The following MYO16 variants were observed in gnomAD, a reference collection of about 807,000 sequenced individuals.
MYO16 encodes unconventional myosin-XVI.
In MYO16, 94 loss-of-function variants were observed where a neutral mutation model predicts 205.3. The observed-to-expected ratio is 0.46, with a 90% CI of 0.39 to 0.54. The LOEUF is 0.54. Among genes scored for constraint, MYO16 ranks in the 20% least tolerant of loss-of-function variants. The pLI is 0.00. For missense variants in MYO16, 2,315 were observed against 2,387.5 expected (o/e 0.97, Z 0.63); for synonymous variants, 988 against 954.0 (o/e 1.04, Z -0.66).
intron 31 of MYO16, among the ~76,000 whole-genome samples, chr13:109,136,875 T>A (rs563299596): frequency 6.6e-6 from 1 of 152,248 alleles, no homozygotes; most frequent in African/African-American, 2.4e-5. Context: ...CAGGTACCAA[T>A]GTTTTTATGA....
At position 108,844,413 on chromosome 13, in the gene MYO16, A is replaced by G; in HGVS notation, c.1168A>G (p.Thr390Ala). ...AAAAGACATTATGTTCAAAGATGCA[A>G]CAAAAGGTCTGTGTAAGCAGCAGTC... is the stretch of plus-strand genomic sequence containing the variant. ...LEKDIMFKDA[T>A]KGLCKQQSQD... The change falls in exon 10 of 35, where the codon ACA becomes GCA. Residue 390 changes from threonine (T) to alanine (A), a missense_variant. Physicochemically the swap from Thr to Ala is moderately conservative, Grantham distance 58. This residue lies in a region of MYO16 where 1,213 missense variants were observed against 1,274.4 expected (regional missense o/e 0.95). Coordinates refer to ENST00000457511, the MANE Select transcript of MYO16 (RefSeq NM_001198950.3). 6.2e-7 allele frequency: 1 copy of G among 1,613,608 alleles called. No individual in the cohort carries two copies.
intron 23 of MYO16, among the ~76,000 whole-genome samples, chr13:109,026,435 C>T (rs1294929744): frequency 1.3e-5 from 2 of 152,130 alleles, no homozygotes; most frequent in Non-Finnish European, 2.9e-5. Flanking sequence ...TTGGAAGAGG[C>T]AGGAAGGATC....
rs1282884363 is a variant in MYO16, at chr13:108,883,173, T to C, written c.1540T>C (p.Cys514Arg). 2 of 1,613,748 alleles carry C rather than the reference T, an allele frequency of 1.2e-6. No individual in the cohort carries two copies. The highest frequency in any genetic ancestry group is 2.2e-5 in the East Asian group (1 of 44,886). Residue 514 changes from cysteine (C) to arginine (R), a missense_variant, in exon 13 of 35, where the codon TGT (cysteine) becomes CGT (arginine). Cys to Arg is a radical substitution (Grantham distance 180, BLOSUM62 -3). This residue lies in a region of MYO16 where 1,213 missense variants were observed against 1,274.4 expected (regional missense o/e 0.95). Transcript: ENST00000457511. ...HQLFREQRPQ[C>R]FILSGERGSG... is the part of the protein sequence containing the mutation. ...GCTCTTCCGGGAACAGCGGCCTCAG[T>C]GTTTCATCCTCAGGTGAGTCCTCCT... is the stretch of plus-strand genomic sequence containing the variant.
At chr13:109,115,453 C>A (rs1045570463) in intron 28 of MYO16, among the ~76,000 whole-genome samples, 7 of 152,094 alleles carry the variant, frequency 4.6e-5, no homozygotes, top group African/African-American at 1.4e-4. Context: ...ACATTTTAAT[C>A]TCAGCTAGGA....
rs558567347 is a variant in MYO16 at position 109,056,062 on chromosome 13, A to G, written c.3335+467A>G. The G allele has an allele frequency of 5.7e-5, 9 of 158,426 alleles. No individual in the cohort carries two copies. The East Asian group carries it at 1.5e-3, about 26-fold the overall frequency. The allele number at this position is 158,426 out of a possible 1,614,324, so 9.8% of individuals were successfully genotyped here. A position where few individuals can be genotyped will look rare whatever the true frequency, so the allele number is the denominator to read the frequency against. On this transcript the variant is annotated intron_variant, in intron 27 of 34. Transcript: ENST00000457511. ...GTTTTATTGGAACATGGCCACAATC[A>G]TTTCTTTGCATATTGTCTGTAACCA...
In MYO16 at chr13:108,948,152, G is replaced by A. The variant is rs1883005343; in HGVS notation, c.1926-9536G>A. Reference sequence around the variant, plus strand: ...TTTCTGTTTTAGGAGCAAAGTGAGGGTGCATGGGCAAAAAGCAGCACTTGG... The same window carrying A: ...TTTCTGTTTTAGGAGCAAAGTGAGGATGCATGGGCAAAAAGCAGCACTTGG... On this transcript the variant is annotated intron_variant, in intron 16 of 34. Transcript: ENST00000457511. Among the ~76,000 whole-genome samples the A allele has an allele frequency of 2.0e-5, 3 of 152,190 alleles. No individual in the cohort carries two copies. The East Asian group carries it at 5.8e-4, about 29-fold the overall frequency.
chr13:109,205,302 T>TA (rs1170042073), intron 34 of MYO16, among the ~76,000 whole-genome samples: 2 of 152,176 alleles, frequency 1.3e-5, no homozygotes, highest in Admixed American at 1.3e-4. Context: ...TCCCAGCCTT[T>TA]AAAATCCTCT....
chr13:109,070,608 A>C lies in MYO16; in HGVS notation c.3335+15013A>C, dbSNP rs563904786. On this transcript the variant is annotated intron_variant, in intron 27 of 34. Transcript: ENST00000457511. ...TGAGATAATGATCCCAGGTTTTGAC[A>C]TTGGGTGGGTTAATAATAGTCTTTC... is the stretch of plus-strand genomic sequence containing the variant. Among the ~76,000 whole-genome samples the C allele has an allele frequency of 2.0e-5, 3 of 152,300 alleles. No homozygotes were observed. In the East Asian group the frequency reaches 5.8e-4, roughly 29 times the overall value.
At chr13:108,656,535 T>C (rs1030143630) in intron 1 of MYO16, among the ~76,000 whole-genome samples, 1 of 152,188 alleles carries the variant, frequency 6.6e-6, no homozygotes, top group Non-Finnish European at 1.5e-5. Flanking sequence ...ATTCCAAATG[T>C]CTGAGATCTT....
chr13:109,139,042 A>G (rs1423286970), intron 31 of MYO16, among the ~76,000 whole-genome samples: 2 of 151,296 alleles, frequency 1.3e-5, no homozygotes, highest in East Asian at 3.9e-4. Flanking sequence ...CTGGTCTCAA[A>G]CTCCTGACCT....
At chr13:108,793,667 C>T (rs1886693309) in intron 6 of MYO16, 27 bp downstream of exon 6, 1 of 1,592,796 alleles carries the variant, frequency 6.3e-7, no homozygotes, top group African/African-American at 1.3e-5. Context: ...GACTCAGAAA[C>T]TATTTGAATA....
the MYO16 span, among the ~76,000 whole-genome samples, chr13:108,568,445 A>G: frequency 6.6e-6 from 1 of 152,072 alleles, no homozygotes; most frequent in Non-Finnish European, 1.5e-5. Context: ...TAATAACTAT[A>G]TATTCAGCAT....
chr13:108,793,077 A>G (rs888196718), intron 5 of MYO16, among the ~76,000 whole-genome samples: 5 of 152,124 alleles, frequency 3.3e-5, no homozygotes, highest in African/African-American at 1.2e-4. Flanking sequence ...AGGTCAGGAT[A>G]TCGAGACCAT....
At chr13:108,516,468 A>G in the MYO16 span, among the ~76,000 whole-genome samples, 2 of 152,110 alleles carry the variant, frequency 1.3e-5, no homozygotes, top group Non-Finnish European at 2.9e-5. Context: ...TGTAGACCGG[A>G]GCTGTTCCTA....
At chr13:109,168,115 A>C (rs925547314) in intron 33 of MYO16, among the ~76,000 whole-genome samples, 1 of 152,162 alleles carries the variant, frequency 6.6e-6, no homozygotes, top group African/African-American at 2.4e-5. Context: ...AAATAAAATC[A>C]TAAAAAGTCA....
chr13:108,594,545 G>A (rs754096765), upstream of MYO16, among the ~76,000 whole-genome samples: 1 of 152,188 alleles, frequency 6.6e-6, no homozygotes, highest in Non-Finnish European at 1.5e-5. Flanking sequence ...TTATTACATG[G>A]CCATCTTTTA....
chr13:108,734,092 A>G (rs1884612105), intron 4 of MYO16, among the ~76,000 whole-genome samples: 1 of 152,264 alleles, frequency 6.6e-6, no homozygotes, highest in Non-Finnish European at 1.5e-5. Context: ...ATACAAGGTT[A>G]GGTTCCTTCA....
At chr13:108,895,512 TG>T (rs1217947737) in intron 14 of MYO16, among the ~76,000 whole-genome samples, 2 of 152,228 alleles carry the variant, frequency 1.3e-5, no homozygotes, top group Non-Finnish European at 2.9e-5. Context: ...AAGAATGCCA[TG>T]GGGTATTTAC....
At chr13:109,171,234 A>T (rs1184982138) in intron 33 of MYO16, among the ~76,000 whole-genome samples, 3 of 152,242 alleles carry the variant, frequency 2.0e-5, no homozygotes, top group Non-Finnish European at 4.4e-5. Context: ...TCAGTATTAT[A>T]GAAATTGAAC....
Sources: gnomAD v4.1 joint callset for allele counts (sites outside exome capture counted in the v4.1 genomes callset) on GRCh38, gnomAD v4.1.1 for gene constraint, gnomAD v4.1.1 regional missense constraint, MANE v1.5 for transcripts, NCBI Gene and HGNC (gene_info 2026-07-23, HGNC 2026-07-21) for gene names.